LHFPL3: variants seen among roughly 807,000 people sequenced by gnomAD.
LHFPL3 encodes the protein LHFPL tetraspan subfamily member 3.
LHFPL3 carries 5 observed loss-of-function variants against 19.3 expected under a neutral mutation model. The observed-to-expected ratio is 0.26, with a 90% CI of 0.14 to 0.54. The LOEUF (loss-of-function observed/expected upper bound fraction) is 0.54, where lower values mean the gene tolerates loss of function less well. LHFPL3 is among the 20% of genes least tolerant of loss of function. LHFPL3 has a pLI of 0.94. For synonymous variants in LHFPL3, 133 were observed against 126.2 expected (o/e 1.05, Z -0.36); for missense variants, 249 against 307.4 (o/e 0.81, Z 1.42).
At chr7:104,839,860 G>A (rs967514972) in intron 2 of LHFPL3, among the ~76,000 whole-genome samples, 1 of 152,066 alleles carries the variant, frequency 6.6e-6, no homozygotes, top group African/African-American at 2.4e-5. Flanking sequence ...AAAATGGGAA[G>A]CAGTATGGTG....
intron 1 of LHFPL3, among the ~76,000 whole-genome samples, chr7:104,590,197 G>A (rs908947058): frequency 6.6e-6 from 1 of 152,020 alleles, no homozygotes; most frequent in Non-Finnish European, 1.5e-5. Flanking sequence ...TCTTTCAATT[G>A]TGATGTTAGG....
Position 104,437,901 on chromosome 7 carries a change from C to A in LHFPL3, c.445+108677C>A, listed in dbSNP as rs575058506. Among the ~76,000 whole-genome samples, 12 of 152,232 alleles carry A rather than the reference C, an allele frequency of 7.9e-5. No individual in the cohort carries two copies. The East Asian group carries it at 2.3e-3, about 29-fold the overall frequency. ...ATCAATTATTAACTCAATACTTAAC[C>A]TTTCTCCCCTTCTCAGAGCATGAGG... is the stretch of plus-strand genomic sequence containing the variant. On this transcript the variant is annotated intron_variant, in intron 1 of 2. Coordinates refer to ENST00000424859, the MANE Select transcript of LHFPL3 (RefSeq NM_199000.3).
At chr7:104,734,410 G>C (rs977262983) in intron 1 of LHFPL3, among the ~76,000 whole-genome samples, 2 of 152,194 alleles carry the variant, frequency 1.3e-5, no homozygotes, top group African/African-American at 4.8e-5. Context: ...TGGAGACCTT[G>C]TTCGTTTCTT....
At chr7:104,773,389 C>T (rs752283265) in intron 2 of LHFPL3, among the ~76,000 whole-genome samples, 46 of 152,320 alleles carry the variant, frequency 3.0e-4, no homozygotes, top group Non-Finnish European at 6.2e-4. Flanking sequence ...CCCAAAAAGG[C>T]AGGAGTGTTA....
At chr7:104,554,688 T>TAGATAGATAGAC (rs1554406558) in intron 1 of LHFPL3, among the ~76,000 whole-genome samples, 37 of 121,022 alleles carry the variant, frequency 3.1e-4, no homozygotes, top group South Asian at 7.5e-4. Flanking sequence ...GATAGATAGA[T>TAGATAGATAGAC]AGACAGACAG....
In LHFPL3 at chr7:104,792,560, A is replaced by G. The variant is rs144703470; in HGVS notation, c.682+55649A>G. 4.0e-3 allele frequency among the ~76,000 whole-genome samples: 611 copies of G among 152,236 alleles called. 8 individuals are homozygous for G. The highest frequency in any genetic ancestry group is 0.013 in the African/African-American group (549 of 41,540). Reference sequence around the variant, plus strand: ...GGTAAGAGAGTACGAGGCTGTATATAATGTTTCCTGGAGAGCTCCCACAAG... The same window carrying G: ...GGTAAGAGAGTACGAGGCTGTATATGATGTTTCCTGGAGAGCTCCCACAAG... On this transcript the variant is annotated intron_variant, in intron 2 of 2. Transcript: ENST00000424859.
At chr7:104,337,996 G>A (rs1241132217) in intron 1 of LHFPL3, among the ~76,000 whole-genome samples, 8 of 151,344 alleles carry the variant, frequency 5.3e-5, no homozygotes, top group South Asian at 2.1e-4. Flanking sequence ...ATATCAGTTC[G>A]TAGATAATCA....
chr7:104,614,716 T>A (rs1356027603), intron 1 of LHFPL3, among the ~76,000 whole-genome samples: 18 of 144,510 alleles, frequency 1.2e-4, no homozygotes, highest in African/African-American at 4.8e-4. Flanking sequence ...TCTTTCTTTC[T>A]TTCTTTCTTT....
At chr7:104,556,087 C>A (rs1789826164) in intron 1 of LHFPL3, among the ~76,000 whole-genome samples, 1 of 152,232 alleles carries the variant, frequency 6.6e-6, no homozygotes, top group South Asian at 2.1e-4. Flanking sequence ...TAGCCTGCTT[C>A]TAGCTGCTTT....
chr7:104,593,495 C>T (rs568653098), intron 1 of LHFPL3, among the ~76,000 whole-genome samples: 3 of 152,026 alleles, frequency 2.0e-5, no homozygotes, highest in Non-Finnish European at 4.4e-5. Flanking sequence ...TTGTGTGGTG[C>T]CGAGAAGAAT....
chr7:104,330,620 A>G (rs1287369995), intron 1 of LHFPL3, among the ~76,000 whole-genome samples: 1 of 152,172 alleles, frequency 6.6e-6, no homozygotes, highest in East Asian at 1.9e-4. Flanking sequence ...CATATATTGT[A>G]AAAGTGTGTA....
chr7:104,860,203 C>T (rs1241855413), intron 2 of LHFPL3, among the ~76,000 whole-genome samples: 1 of 151,742 alleles, frequency 6.6e-6, no homozygotes, highest in Non-Finnish European at 1.5e-5. Flanking sequence ...CACACACACA[C>T]ACACGCATAC....
intron 2 of LHFPL3, among the ~76,000 whole-genome samples, chr7:104,836,871 T>C (rs942004367): frequency 2.0e-5 from 3 of 152,186 alleles, no homozygotes; most frequent in African/African-American, 7.2e-5. Flanking sequence ...TGTCAGTTTA[T>C]CTCTGACGAC....
intron 1 of LHFPL3, among the ~76,000 whole-genome samples, chr7:104,722,608 A>G (rs141477676): frequency 6.6e-6 from 1 of 152,316 alleles, no homozygotes; most frequent in Non-Finnish European, 1.5e-5. Context: ...TTCTAGAGGT[A>G]TAAATATTAT....
At chr7:104,768,429 C>T (rs1365953035) in intron 2 of LHFPL3, among the ~76,000 whole-genome samples, 1 of 152,124 alleles carries the variant, frequency 6.6e-6, no homozygotes, top group East Asian at 1.9e-4. Context: ...TTAATGGAAT[C>T]AGCAGAGTTG....
intron 1 of LHFPL3, among the ~76,000 whole-genome samples, chr7:104,347,903 CAAAAT>C (rs1218267986): frequency 7.6e-6 from 1 of 132,370 alleles, no homozygotes; most frequent in South Asian, 2.4e-4. Context: ...AAAAAAAAAA[CAAAAT>C]AAAAAACTTT....
chr7:104,864,118 A>T (rs1334496865), intron 2 of LHFPL3, among the ~76,000 whole-genome samples: 1 of 152,230 alleles, frequency 6.6e-6, no homozygotes, highest in Non-Finnish European at 1.5e-5. Flanking sequence ...CCTTCTGTGT[A>T]AAAGTTCTGT....
chr7:104,835,137 A>G (rs1224629994), intron 2 of LHFPL3, among the ~76,000 whole-genome samples: 1 of 151,838 alleles, frequency 6.6e-6, no homozygotes, highest in Non-Finnish European at 1.5e-5. Context: ...TGGGTGATAC[A>G]TTTTGTCATT....
chr7:104,390,380 A>AAGTGTTCTCCAC (rs1791041346), intron 1 of LHFPL3, among the ~76,000 whole-genome samples: 1 of 149,524 alleles, frequency 6.7e-6, no homozygotes, highest in Non-Finnish European at 1.5e-5. Context: ...GTGTTCCCCA[A>AAGTGTTCTCCAC]CCTGTGTCCA....
Sources: gnomAD v4.1 joint callset for allele counts (sites outside exome capture counted in the v4.1 genomes callset) on GRCh38, gnomAD v4.1.1 for gene constraint, MANE v1.5 for transcripts, NCBI Gene and HGNC (gene_info 2026-07-23, HGNC 2026-07-21) for gene names.